Variants in ROBO1 observed in about 807,000 individuals in gnomAD.
The protein encoded by ROBO1 is roundabout guidance receptor 1, also known as roundabout homolog 1.
In ROBO1, 149 loss-of-function variants were observed where a neutral mutation model predicts 195.9. The ratio of observed to expected loss-of-function variants is 0.76; its 90% confidence interval spans 0.67 to 0.87. The LOEUF is 0.87. ROBO1 is among the 40% of genes least tolerant of loss of function. The pLI, the probability that ROBO1 is intolerant of heterozygous loss-of-function variation, is 0.00. For missense variants in ROBO1, 1,933 were observed against 2,068.3 expected (o/e 0.93, Z 1.27); for synonymous variants, 816 against 733.2 (o/e 1.11, Z -1.82).
chr3:78,656,345 A>ATTTTTTTTTTTTTTTTTTTT (rs5850382), intron 18 of ROBO1, among the ~76,000 whole-genome samples: 1 of 88,640 alleles, frequency 1.1e-5, no homozygotes, highest in Non-Finnish European at 2.2e-5. Context: ...TGCTTATTTG[A>ATTTTTTTTTTTTTTTTTTTT]TTTTTTTTTT....
intron 4 of ROBO1, among the ~76,000 whole-genome samples, chr3:78,783,450 G>A (rs2083741423): frequency 6.6e-6 from 1 of 152,064 alleles, no homozygotes; most frequent in African/African-American, 2.4e-5. Flanking sequence ...CTAATAAGAT[G>A]AATTCACTAT....
At chr3:78,987,474 G>A (rs912781396) in intron 3 of ROBO1, among the ~76,000 whole-genome samples, 5 of 152,098 alleles carry the variant, frequency 3.3e-5, no homozygotes, top group African/African-American at 1.2e-4. Flanking sequence ...TGTGCTTTCT[G>A]AGGGAGACTA....
chr3:79,425,900 A>G (rs528088778), intron 2 of ROBO1, among the ~76,000 whole-genome samples: 1 of 152,286 alleles, frequency 6.6e-6, no homozygotes, highest in South Asian at 2.1e-4. Context: ...TGCACTTCTG[A>G]TAACTGTATA....
chr3:78,988,033 C>G lies in ROBO1; in HGVS notation c.173-49106G>C, dbSNP rs187502966. On this transcript the variant is annotated intron_variant, in intron 3 of 30. Coordinates refer to ENST00000464233, the MANE Select transcript of ROBO1 (RefSeq NM_002941.4). Reference sequence around the variant, plus strand: ...TTGTTTTCTACACGCAATGTATATTCCCTTAATAACTTTTGGTGAGTAAAT... The same window carrying G: ...TTGTTTTCTACACGCAATGTATATTGCCTTAATAACTTTTGGTGAGTAAAT... 2.6e-5 allele frequency among the ~76,000 whole-genome samples: 4 copies of G among 152,148 alleles called. No individual in the cohort carries two copies. The East Asian group carries it at 7.7e-4, about 29-fold the overall frequency.
chr3:78,662,157 T>A (rs912272485), intron 14 of ROBO1, 43 bp from the exon 15 acceptor site: 2 of 1,538,734 alleles, frequency 1.3e-6, no homozygotes, highest in African/African-American at 2.8e-5. Flanking sequence ...TGCACAACGT[T>A]ACTGAACGGA....
At chr3:79,575,068 C>G (rs2107762383) in intron 2 of ROBO1, among the ~76,000 whole-genome samples, 1 of 144,752 alleles carries the variant, frequency 6.9e-6, no homozygotes, top group African/African-American at 2.5e-5. Context: ...CATTTTCTGT[C>G]TTTGTGTTTT....
intron 3 of ROBO1, among the ~76,000 whole-genome samples, chr3:79,097,380 G>A (rs2079589657): frequency 6.6e-6 from 1 of 151,750 alleles, no homozygotes; most frequent in South Asian, 2.1e-4. Context: ...AATAGAATTA[G>A]AATGCTGGGT....
chr3:79,204,150 G>A (rs1029117656), intron 2 of ROBO1, among the ~76,000 whole-genome samples: 2 of 152,138 alleles, frequency 1.3e-5, no homozygotes, highest in African/African-American at 2.4e-5. Context: ...TGTATACAAT[G>A]TGTAGTGATC....
At chr3:79,018,771 G>T in intron 3 of ROBO1, 2 of 1,118,114 alleles carry the variant, frequency 1.8e-6, no homozygotes, top group Non-Finnish European at 2.2e-6. Context: ...CAGTAGTGCC[G>T]TTTCCTGCCT....
chr3:78,663,257 A>G (rs986115774), intron 14 of ROBO1, among the ~76,000 whole-genome samples: 1 of 151,938 alleles, frequency 6.6e-6, no homozygotes, highest in Non-Finnish European at 1.5e-5. Flanking sequence ...CGAGATTGAT[A>G]TCAAACACTC....
rs191336010 is a variant in ROBO1 at position 79,662,791 on chromosome 3, C to T, written c.-50-72830G>A. Among the ~76,000 whole-genome samples the T allele has an allele frequency of 9.9e-5, 15 of 152,074 alleles. No homozygotes were observed. In the South Asian group the frequency reaches 2.5e-3, roughly 25 times the overall value. On this transcript the variant is annotated intron_variant, in intron 1 of 30. Coordinates refer to ENST00000464233, the MANE Select transcript of ROBO1 (RefSeq NM_002941.4). ...ATATGAATAAAGTTGCAAAACTGTG[C>T]CTTAGAAATGCCATGCTGCTGTGGA...
At chr3:79,264,404 G>T (rs1471465663) in intron 2 of ROBO1, among the ~76,000 whole-genome samples, 1 of 151,522 alleles carries the variant, frequency 6.6e-6, no homozygotes, top group Non-Finnish European at 1.5e-5. Context: ...TCATTATCAT[G>T]TTATTTAATT....
intron 1 of ROBO1, among the ~76,000 whole-genome samples, chr3:79,762,625 CACACACAAAAGCCGAG>C (rs75095246): frequency 0.12 from 18,186 of 151,918 alleles, 1,157 homozygotes; most frequent in Non-Finnish European, 0.12. Context: ...CACACACACA[CACACACAAAAGCCGAG>C]AGGAATGAAA....
intron 2 of ROBO1, among the ~76,000 whole-genome samples, chr3:79,581,637 T>C (rs944552593): frequency 2.6e-5 from 4 of 152,166 alleles, no homozygotes; most frequent in Non-Finnish European, 4.4e-5. Flanking sequence ...AACATGCTAT[T>C]TTTTCCCTTA....
intron 4 of ROBO1, among the ~76,000 whole-genome samples, chr3:78,931,017 T>TC (rs976052011): frequency 6.6e-6 from 1 of 152,014 alleles, no homozygotes; most frequent in African/African-American, 2.4e-5. Flanking sequence ...TTATTTTCTT[T>TC]CCCCCCTGCT....
intron 2 of ROBO1, among the ~76,000 whole-genome samples, chr3:79,256,222 C>T (rs1162004375): frequency 6.6e-6 from 1 of 152,152 alleles, no homozygotes; most frequent in Non-Finnish European, 1.5e-5. Context: ...TGTGTAAAAA[C>T]CACATAATAC....
chr3:78,879,869 T>C (rs962460113), intron 4 of ROBO1, among the ~76,000 whole-genome samples: 1 of 152,134 alleles, frequency 6.6e-6, no homozygotes, highest in South Asian at 2.1e-4. Flanking sequence ...ACAGAAGACT[T>C]GTATCTAAAG....
chr3:78,646,095 G>T, intron 21 of ROBO1, 53 bp downstream of exon 21: 1 of 1,462,366 alleles, frequency 6.8e-7, no homozygotes, highest in Non-Finnish European at 9.5e-7. Context: ...TGAGGAAGAT[G>T]AAGAAATATT....
intron 3 of ROBO1, among the ~76,000 whole-genome samples, chr3:78,962,823 C>CA (rs770515270): frequency 0.061 from 1,583 of 25,900 alleles, 138 homozygotes; most frequent in East Asian, 0.076. Flanking sequence ...GACTCCATCT[C>CA]AAAAAAAAAA....
Sources: gnomAD v4.1 joint callset for allele counts (sites outside exome capture counted in the v4.1 genomes callset) on GRCh38, gnomAD v4.1.1 for gene constraint, MANE v1.5 for transcripts, NCBI Gene and HGNC (gene_info 2026-07-23, HGNC 2026-07-21) for gene names.